Variants in CACNA1I observed in about 807,000 individuals in gnomAD.
CACNA1I encodes calcium voltage-gated channel subunit alpha1 I, also known as voltage-dependent T-type calcium channel subunit alpha-1I.
Under a neutral mutation model 201.6 loss-of-function variants are expected in CACNA1I, and 74 were observed. The ratio of observed to expected loss-of-function variants is 0.37; its 90% CI spans 0.30 to 0.45. CACNA1I has a LOEUF of 0.45. Ranked by LOEUF, CACNA1I falls within the 20% of genes least tolerant of loss-of-function variation. CACNA1I has a pLI of 1.00. For missense variants in CACNA1I, 2,346 were observed against 3,138.1 expected (o/e 0.75, Z 6.03); for synonymous variants, 1,431 against 1,345.2 (o/e 1.06, Z -1.40).
intron 3 of CACNA1I, among the ~76,000 whole-genome samples, chr22:39,618,553 C>A (rs914427989): frequency 6.6e-6 from 1 of 152,032 alleles, no homozygotes. Context: ...CACTCAATGA[C>A]TCTTCAAGCA....
intron 32 of CACNA1I, 137 bp downstream of exon 32, chr22:39,679,582 G>A: frequency 9.5e-7 from 1 of 1,056,756 alleles, no homozygotes; most frequent in Non-Finnish European, 1.3e-6. Flanking sequence ...CATAGAAGGG[G>A]TGACCCTGTG....
intron 3 of CACNA1I, among the ~76,000 whole-genome samples, chr22:39,614,860 C>A (rs1037443450): frequency 1.3e-5 from 2 of 152,186 alleles, no homozygotes; most frequent in Non-Finnish European, 2.9e-5. Flanking sequence ...CCTCCTGGGG[C>A]GACTTCAGGA....
At chr22:39,592,672 G>T (rs1932836227) in intron 1 of CACNA1I, among the ~76,000 whole-genome samples, 1 of 152,188 alleles carries the variant, frequency 6.6e-6, no homozygotes, top group African/African-American at 2.4e-5. Flanking sequence ...CTCCAGCCCT[G>T]CCCCCTCTGT....
Position 39,659,729 on chromosome 22 carries a change from C to T in CACNA1I, c.2481C>T (p.Leu827=). The change falls in exon 14 of 37, where the codon CTC becomes CTT. Residue 827 remains leucine, a synonymous_variant. Coordinates refer to ENST00000402142, the MANE Select transcript of CACNA1I (RefSeq NM_021096.4). The surrounding 1 kb of genome is among the most constrained non-coding windows in gnomAD (Gnocchi z 4.3). The part of the protein sequence containing the change: ...ILTQEDWNVV[L]YNGMASTSPW... ...CCCAGGAGGACTGGAACGTCGTTCT[C>T]TACAATGGCATGGCCTCCACTTCTC... is the stretch of plus-strand genomic sequence containing the variant. 6.2e-7 allele frequency: 1 copy of T among 1,613,952 alleles called. No individual in the cohort carries two copies. Among genetic ancestry groups the T allele is most frequent in the African/African-American group, 1.3e-5 (1 of 75,044 alleles).
Position 39,598,274 on chromosome 22 carries a change from G to GGCCCCCCCCCC in CACNA1I, c.348+12_348+13insGCCCCCCCCCC. ...GCAAGATCCTGCAGGTGAGCCGGCC[G>GGCCCCCCCCCC]CCCCGCCCCGCCCCGCCCTGCCCTC... On this transcript the variant is annotated intron_variant, in intron 2 of 36. Transcript: ENST00000402142. 2 of 1,311,192 alleles carry GGCCCCCCCCCC rather than the reference G, an allele frequency of 1.5e-6. No homozygotes were observed. Among genetic ancestry groups the GGCCCCCCCCCC allele is most frequent in the African/African-American group, 3.8e-5 (2 of 52,350 alleles). 81.2% of individuals were successfully genotyped at this position (1,311,192 alleles called of 1,614,324 possible).
chr22:39,653,168 T>TGTGGGTGCACG (rs1934702364), intron 10 of CACNA1I, among the ~76,000 whole-genome samples: 54 of 151,476 alleles, frequency 3.6e-4, no homozygotes, highest in Non-Finnish European at 6.2e-4. Flanking sequence ...CTGACTGCAT[T>TGTGGGTGCACG]GAGAACCTGG....
intron 17 of CACNA1I, 123 bp from the exon 18 acceptor site, chr22:39,662,653 G>A: frequency 1.3e-6 from 1 of 758,916 alleles, no homozygotes; most frequent in Non-Finnish European, 2.2e-6. Context: ...CTCCCTGGCT[G>A]CCCCCGGGGG....
intron 3 of CACNA1I, 105 bp from the exon 4 acceptor site, chr22:39,619,205 C>G (rs112717416): frequency 5.9e-6 from 5 of 841,162 alleles, no homozygotes; most frequent in Admixed American, 3.6e-5. Context: ...CTTTACTTGC[C>G]CTGTCCAGGC....
chr22:39,671,578 G>A (rs965673062), intron 26 of CACNA1I, among the ~76,000 whole-genome samples: 8 of 152,186 alleles, frequency 5.3e-5, no homozygotes, highest in Admixed American at 4.6e-4. Flanking sequence ...GGCATGTGAG[G>A]AGCAAGTGCA....
At chr22:39,584,813 T>C (rs1030119636) in intron 1 of CACNA1I, among the ~76,000 whole-genome samples, 8 of 152,222 alleles carry the variant, frequency 5.3e-5, no homozygotes, top group African/African-American at 1.9e-4. Context: ...TATTAGCAAC[T>C]TCTGTGGCTG....
At chr22:39,587,536 C>T (rs1318321879) in intron 1 of CACNA1I, among the ~76,000 whole-genome samples, 4 of 152,106 alleles carry the variant, frequency 2.6e-5, no homozygotes, top group Admixed American at 2.6e-4. Context: ...TAATGTCTGC[C>T]ATGCCTGTCT....
At chr22:39,680,072 C>G (rs900769602) in intron 33 of CACNA1I, among the ~76,000 whole-genome samples, 2 of 152,170 alleles carry the variant, frequency 1.3e-5, no homozygotes, top group Admixed American at 6.5e-5. Context: ...CCACAGCTGC[C>G]GACCCCAGCA....
chr22:39,651,957 C>T (rs1355765787), intron 10 of CACNA1I, among the ~76,000 whole-genome samples: 5 of 152,076 alleles, frequency 3.3e-5, no homozygotes, highest in African/African-American at 4.8e-5. Context: ...ACGGTCCCTG[C>T]CCAAGCCTCC....
At chr22:39,624,422 C>G (rs1215982634) in intron 4 of CACNA1I, among the ~76,000 whole-genome samples, 1 of 152,188 alleles carries the variant, frequency 6.6e-6, no homozygotes, top group Non-Finnish European at 1.5e-5. Flanking sequence ...GGGCTCCGAG[C>G]CTTTCCTCAG....
In CACNA1I at chr22:39,575,204, G is replaced by A. The variant is rs149419136; in HGVS notation, c.236+4216G>A. On this transcript the variant is annotated intron_variant, in intron 1 of 36. Coordinates refer to ENST00000402142, the MANE Select transcript of CACNA1I (RefSeq NM_021096.4). ...TCACGGGGAGGTGGCGTGTGGCACC[G>A]TGGAAAGCGCTGGGCACCTGAATCA... 9.5e-3 allele frequency among the ~76,000 whole-genome samples: 1,444 copies of A among 152,360 alleles called. 20 individuals are homozygous for A. Among genetic ancestry groups the A allele is most frequent in the African/African-American group, 0.034 (1,406 of 41,586 alleles).
At chr22:39,595,726 G>T (rs983129178) in intron 1 of CACNA1I, among the ~76,000 whole-genome samples, 1 of 151,970 alleles carries the variant, frequency 6.6e-6, no homozygotes, top group Non-Finnish European at 1.5e-5. Context: ...TTATTGTACC[G>T]CACTCATACC....
chr22:39,580,202 G>C (rs1187470216), intron 1 of CACNA1I, among the ~76,000 whole-genome samples: 1 of 152,190 alleles, frequency 6.6e-6, no homozygotes, highest in African/African-American at 2.4e-5. Flanking sequence ...CTGGCCTAAT[G>C]GGCTGTCCAG....
At chr22:39,663,995 G>T in intron 19 of CACNA1I, 96 bp from the exon 20 acceptor site, 5 of 1,492,006 alleles carry the variant, frequency 3.4e-6, no homozygotes, top group Non-Finnish European at 3.7e-6. Context: ...AGAGGTGGCA[G>T]CCTCTCCTCT....
rs754791943 is a variant in CACNA1I at position 39,685,766 on chromosome 22, C to G, written c.6033C>G (p.Thr2011=). 7 of 1,483,220 alleles carry G rather than the reference C, an allele frequency of 4.7e-6. No individual in the cohort carries two copies. The highest frequency in any genetic ancestry group is 4.4e-5 in the Admixed American group (2 of 45,108). The allele number at this position is 1,483,220 out of a possible 1,614,324, so 91.9% of individuals were successfully genotyped here. A position where few individuals can be genotyped will look rare whatever the true frequency, so the allele number is the denominator to read the frequency against. The change falls in exon 37 of 37, where the codon ACC becomes ACG. Residue 2011 remains threonine (T), a synonymous_variant. Coordinates refer to ENST00000402142, the MANE Select transcript of CACNA1I (RefSeq NM_021096.4). The surrounding 1 kb of genome is among the most constrained non-coding windows in gnomAD (Gnocchi z 5.0). ...RVNCTLLRQA[T]GSDTSLDASP... is the part of the protein sequence containing the mutation. ...CGGCTCCCACCTCCCCCCAGGCCAC[C>G]GGGAGCGACACGTCGCTGGACGCCA...
Sources: gnomAD v4.1 joint callset for allele counts (sites outside exome capture counted in the v4.1 genomes callset) on GRCh38, gnomAD v4.1.1 for gene constraint, Gnocchi (gnomAD v3.1) non-coding constraint, MANE v1.5 for transcripts, NCBI Gene and HGNC (gene_info 2026-07-23, HGNC 2026-07-21) for gene names.